Variants in MCAT observed in about 807,000 individuals in gnomAD.
The protein encoded by MCAT is malonyl-CoA-acyl carrier protein transacylase, mitochondrial.
Under a neutral mutation model 22.9 loss-of-function variants are expected in MCAT, and 22 were observed. The ratio of observed to expected loss-of-function variants is 0.96; its 90% CI spans 0.69 to 1.37. MCAT has a LOEUF of 1.37. Among genes scored for constraint, MCAT ranks in the 40% most tolerant of loss-of-function variants. The pLI is 0.00. For synonymous variants in MCAT, 240 were observed against 233.9 expected (o/e 1.03, Z -0.24); for missense variants, 534 against 533.6 (o/e 1.00, Z -0.01).
rs747613497 is a variant in MCAT at position 43,143,292 on chromosome 22, G to T, written c.57C>A (p.Arg19=). ...GCACCGGGAAGCTCGAGGCGCCGCGGCGGTAGCTGGCGCCCAAGCCCCTGA... is the reference window on the plus strand; with the variant it reads ...GCACCGGGAAGCTCGAGGCGCCGCGTCGGTAGCTGGCGCCCAAGCCCCTGA... ...AWVRGLGASY[R]RGASSFPVPP... Residue 19 remains arginine (R), a synonymous_variant, in exon 1 of 4, where the codon CGC becomes CGA. Transcript: ENST00000290429. The T allele has an allele frequency of 7.7e-6, 11 of 1,429,772 alleles. No individual in the cohort carries two copies. In the South Asian group the frequency reaches 1.6e-4, roughly 21 times the overall value. The allele number at this position is 1,429,772 out of a possible 1,614,324, so 88.6% of individuals were successfully genotyped here. A position where few individuals can be genotyped will look rare whatever the true frequency, so the allele number is the denominator to read the frequency against.
intron 2 of MCAT, among the ~76,000 whole-genome samples, chr22:43,140,432 C>T (rs559264972): frequency 2.3e-4 from 35 of 152,310 alleles, no homozygotes; most frequent in African/African-American, 6.5e-4. Context: ...CAGCTTTGAC[C>T]TCCTGGGTTC....
At position 43,137,188 on chromosome 22, in the gene MCAT, A is replaced by C; in HGVS notation, c.622T>G (p.Cys208Gly). 6.2e-7 allele frequency: 1 copy of C among 1,614,184 alleles called. No homozygotes were observed. The highest frequency in any genetic ancestry group is 8.5e-7 in the Non-Finnish European group (1 of 1,180,034). Residue 208 changes from cysteine to glycine, a missense_variant, in exon 3 of 4, where the codon TGT becomes GGT. By Grantham distance (159) the Cys-to-Gly change is radical. Transcript: ENST00000290429. ...TTGCAGTGTTCCCGGGCTTCCAAACAGGCGAAGTTGAACTTGGACTGAGGC... is the reference window on the plus strand; with the variant it reads ...TTGCAGTGTTCCCGGGCTTCCAAACCGGCGAAGTTGAACTTGGACTGAGGC... ...GQPQSKFNFA[C>G]LEAREHCKSL...
chr22:43,140,094 G>A (rs888043399), intron 2 of MCAT, among the ~76,000 whole-genome samples: 1 of 152,062 alleles, frequency 6.6e-6, no homozygotes, highest in African/African-American at 2.4e-5. Flanking sequence ...ACTCTCTCTA[G>A]TTTCAAACAC....
chr22:43,139,667 C>T (rs924040226), intron 2 of MCAT, among the ~76,000 whole-genome samples: 2 of 151,698 alleles, frequency 1.3e-5, no homozygotes, highest in African/African-American at 4.9e-5. Context: ...CAACCTCTGC[C>T]TCCTGGTTCA....
At chr22:43,135,712 G>A (rs901620935) in intron 3 of MCAT, among the ~76,000 whole-genome samples, 1 of 151,950 alleles carries the variant, frequency 6.6e-6, no homozygotes, top group Non-Finnish European at 1.5e-5. Flanking sequence ...TACCTGACCT[G>A]CCCACCATCT....
In MCAT at chr22:43,133,009, A is replaced by G; in HGVS notation, c.*34T>C. 6.3e-7 allele frequency: 1 copy of G among 1,584,962 alleles called. No individual in the cohort carries two copies. Among genetic ancestry groups the G allele is most frequent in the Non-Finnish European group, 8.6e-7 (1 of 1,157,206 alleles). ...CAGCCTACAGCCTCTCCTCAGGAGG[A>G]CAGAGGGGGTCATCGCATTTGAGCC... On this transcript the variant is annotated 3_prime_UTR_variant, in exon 4 of 4. Coordinates refer to ENST00000290429, the MANE Select transcript of MCAT (RefSeq NM_173467.5).
chr22:43,136,887 G>A (rs1241848764), intron 3 of MCAT, among the ~76,000 whole-genome samples, 194 bp downstream of exon 3: 1 of 152,198 alleles, frequency 6.6e-6, no homozygotes, highest in African/African-American at 2.4e-5. Context: ...TTCTACACGT[G>A]GTGGAGCAGG....
At chr22:43,136,242 T>TCAAA (rs1037378493) in intron 3 of MCAT, among the ~76,000 whole-genome samples, 4 of 152,156 alleles carry the variant, frequency 2.6e-5, no homozygotes, top group East Asian at 1.9e-4. Flanking sequence ...AGACCCTGTC[T>TCAAA]CAAACAAACA....
At chr22:43,134,070 A>G (rs939796926) in intron 3 of MCAT, among the ~76,000 whole-genome samples, 6 of 152,176 alleles carry the variant, frequency 3.9e-5, no homozygotes, top group African/African-American at 1.2e-4. Context: ...CCGGATCTCA[A>G]TGAGAATTCT....
At chr22:43,136,704 A>G (rs1930622768) in intron 3 of MCAT, among the ~76,000 whole-genome samples, 2 of 152,236 alleles carry the variant, frequency 1.3e-5, no homozygotes, top group Admixed American at 1.3e-4. Context: ...GACACCTAAA[A>G]AAAGCAGGGC....
Position 43,133,475 on chromosome 22 carries a change from A to G in MCAT, c.741T>C (p.Phe247=). Residue 247 remains phenylalanine, a synonymous_variant, in exon 4 of 4, where the codon TTT becomes TTC. Coordinates refer to ENST00000290429, the MANE Select transcript of MCAT (RefSeq NM_173467.5). ...VISGHQEALR[F]LQKNSSKFHF... ...GAAACTTAGAGGAATTCTTCTGGAG[A>G]AACCGTAGAGCCTGGGGAAGGAAGG... 1.2e-6 allele frequency: 2 copies of G among 1,609,282 alleles called. No homozygotes were observed. Among genetic ancestry groups the G allele is most frequent in the Non-Finnish European group, 1.7e-6 (2 of 1,177,830 alleles).
chr22:43,142,654 C>T (rs1159325740), intron 1 of MCAT, among the ~76,000 whole-genome samples: 3 of 151,086 alleles, frequency 2.0e-5, no homozygotes, highest in African/African-American at 2.4e-5. Flanking sequence ...GGCATGGTGG[C>T]GGGCGCCTGT....
At chr22:43,134,320 A>C (rs1930543609) in intron 3 of MCAT, among the ~76,000 whole-genome samples, 1 of 152,144 alleles carries the variant, frequency 6.6e-6, no homozygotes, top group African/African-American at 2.4e-5. Context: ...AAACCCTTGC[A>C]ACAGTGAGCA....
rs766362783 is a variant in MCAT at position 43,137,105 on chromosome 22, G to T, written c.705C>A (p.Cys235Ter). 1 of 1,614,156 alleles carries T rather than the reference G, an allele frequency of 6.2e-7. No homozygotes were observed. The highest frequency in any genetic ancestry group is 1.1e-5 in the South Asian group (1 of 91,084). The change falls in exon 3 of 4, where the codon TGC becomes TGA. Residue 235 changes from cysteine (C) to a stop codon, truncating the protein, a stop_gained. Transcript: ENST00000290429. LOFTEE classifies it low-confidence loss of function (END_TRUNC). Reference protein sequence around the residue: ...CEVSNYLFPDCRVISGHQEAL... With the variant: ...CEVSNYLFPD ...CCTCTTGGTGTCCTGAAATCACCCT[G>T]CAATCTGGAAAGAGGTAGTTGGACA...
chr22:43,135,503 C>CAAA (rs1270132344), intron 3 of MCAT, among the ~76,000 whole-genome samples: 1,851 of 32,766 alleles, frequency 0.056, 92 homozygotes, highest in African/African-American at 0.17. Flanking sequence ...GACATTGTCT[C>CAAA]AAAAAACAAA....
Position 43,133,168 on chromosome 22 carries a change from G to C in MCAT, c.1048C>G (p.Pro350Ala). The change falls in exon 4 of 4, where the codon CCT becomes GCT. Residue 350 changes from proline (P) to alanine (A), a missense_variant. Coordinates refer to ENST00000290429, the MANE Select transcript of MCAT (RefSeq NM_173467.5). ...AGGATGGCTCCCAGCTGCCTGCCAG[G>C]GCCTACTTCGAAAGTTTGGGGGAAC... ...RGFPQTFEVG[P>A]GRQLGAILKS... The C allele has an allele frequency of 6.2e-7, 1 of 1,614,212 alleles. No homozygotes were observed.
rs1282340051 is a variant in MCAT, at chr22:43,142,781, A to AAC, written c.423+144_423+145insGT. 57 of 940,600 alleles carry AAC rather than the reference A, an allele frequency of 6.1e-5. 1 individual carries two copies. The highest frequency in any genetic ancestry group is 9.3e-5 in the East Asian group (3 of 32,176). The allele number at this position is 940,600 out of a possible 1,614,324, so 58.3% of individuals were successfully genotyped here. ...CAGAGCGAGACTCCGTCTCAAAAAAAAAAACAAAAACAAACAAAAAAAAAA... is the reference window on the plus strand; with the variant it reads ...CAGAGCGAGACTCCGTCTCAAAAAAAACAAAACAAAAACAAACAAAAAAAAAA... On this transcript the variant is annotated intron_variant, in intron 1 of 3. Transcript: ENST00000290429.
Position 43,133,255 on chromosome 22 carries a change from C to T in MCAT, c.961G>A (p.Val321Ile). Residue 321 changes from valine to isoleucine, a missense_variant, in exon 4 of 4, where the codon GTC (valine) becomes ATC (isoleucine). Val to Ile is a conservative substitution (Grantham distance 29). Transcript: ENST00000290429. The part of the protein sequence containing the change: ...HIHKLLAQQL[V>I]SPVKWEQTMH... ...GTCTGCTCCCACTTCACTGGGGAGA[C>T]CAGCTGCTGGGCCAGCAGCTTGTGG... 6.2e-7 allele frequency: 1 copy of T among 1,614,206 alleles called. No individual in the cohort carries two copies. The highest frequency in any genetic ancestry group is 8.5e-7 in the Non-Finnish European group (1 of 1,180,046).
chr22:43,137,874 T>C (rs1930665199), intron 2 of MCAT, among the ~76,000 whole-genome samples: 1 of 152,084 alleles, frequency 6.6e-6, no homozygotes, highest in African/African-American at 2.4e-5. Flanking sequence ...ATGAGGATAA[T>C]AATATCTAAT....
Sources: gnomAD v4.1 joint callset for allele counts (sites outside exome capture counted in the v4.1 genomes callset) on GRCh38, gnomAD v4.1.1 for gene constraint, MANE v1.5 for transcripts, NCBI Gene and HGNC (gene_info 2026-07-23, HGNC 2026-07-21) for gene names.